CFAP47: variants seen among roughly 807,000 people sequenced by gnomAD.
CFAP47 encodes cilia and flagella associated protein 47.
In CFAP47, 29 loss-of-function variants were observed where a neutral mutation model predicts 148.1. The ratio of observed to expected loss-of-function variants is 0.20; its 90% CI spans 0.15 to 0.27. CFAP47 has a LOEUF of 0.27. Among genes scored for constraint, CFAP47 ranks in the 10% least tolerant of loss-of-function variants. The probability of loss-of-function intolerance (pLI) is 1.00; values close to 1 mark genes in which losing one functional copy is unlikely to be tolerated. For synonymous variants in CFAP47, 664 were observed against 577.3 expected, an observed-to-expected ratio of 1.15 and a Z score of -2.15; for missense variants, 1,872 against 1,697.5, an observed-to-expected ratio of 1.10 and a Z score of -1.81.
At chrX:36,128,742 T>A (rs994836390) in intron 33 of CFAP47, among the ~76,000 whole-genome samples, 105 of 110,198 alleles carry the variant, frequency 9.5e-4, no homozygotes, top group African/African-American at 3.4e-3. Flanking sequence ...TGAATAATAT[T>A]GAATATATAT....
intron 51 of CFAP47, among the ~76,000 whole-genome samples, chrX:36,296,052 G>A (rs1262430442): frequency 8.9e-6 from 1 of 111,745 alleles, no homozygotes; most frequent in Non-Finnish European, 1.9e-5. Flanking sequence ...TTGCTCTCTG[G>A]AAGGCTGCTC....
intron 7 of CFAP47, 77 bp downstream of exon 7, chrX:35,953,796 G>A: frequency 1.4e-6 from 1 of 703,512 alleles, no homozygotes; most frequent in Admixed American, 4.2e-5. Context: ...AATATCTGTA[G>A]AGACAATCTA....
chrX:36,005,005 A>G (rs1385484202), intron 21 of CFAP47, among the ~76,000 whole-genome samples: 1 of 110,479 alleles, frequency 9.1e-6, no homozygotes, highest in Non-Finnish European at 1.9e-5. Context: ...ATATGTGTTA[A>G]TGGTTTTTTT....
At chrX:35,983,185 C>T (rs1344333089) in intron 15 of CFAP47, among the ~76,000 whole-genome samples, 34 of 111,307 alleles carry the variant, frequency 3.1e-4, no homozygotes, top group Admixed American at 2.9e-3. Context: ...ACTGTATTTC[C>T]AGGTGTTTTA....
chrX:36,181,956 T>G (rs1278300862), intron 40 of CFAP47, among the ~76,000 whole-genome samples: 1 of 112,383 alleles, frequency 8.9e-6, no homozygotes, highest in Non-Finnish European at 1.9e-5. Context: ...GATAAAGTAG[T>G]CTTAATTTCA....
At chrX:36,039,280 G>A in intron 25 of CFAP47, 101 bp downstream of exon 25, 8 of 374,468 alleles carry the variant, frequency 2.1e-5, no homozygotes, top group South Asian at 2.7e-4. Flanking sequence ...TTCTATAGTT[G>A]GAAAGAACTA....
Position 36,361,493 on chromosome X carries a change from A to G in CFAP47, c.9015A>G (p.Lys3005=). The part of the protein sequence containing the change: ...FIFNLVFTPK[K]PLRSHITLKI... ...TCAATCTGGTATTCACACCAAAGAA[A>G]CCATTAAGGTAAATCTACTTTCCTC... is the stretch of plus-strand genomic sequence containing the variant. Residue 3005 remains lysine, a synonymous_variant, in exon 61 of 64, where the codon AAA becomes AAG. Coordinates refer to ENST00000378653, the MANE Select transcript of CFAP47 (RefSeq NM_001304548.2). 2 of 999,025 alleles carry G rather than the reference A, an allele frequency of 2.0e-6. No individual in the cohort carries two copies. The highest frequency in any genetic ancestry group is 2.7e-6 in the Non-Finnish European group (2 of 744,954). 82.3% of individuals were successfully genotyped at this position (999,025 alleles called of 1,213,427 possible). A position where few individuals can be genotyped will look rare whatever the true frequency, so the allele number is the denominator to read the frequency against.
chrX:35,979,288 CTGA>C (rs1936610837), intron 15 of CFAP47, among the ~76,000 whole-genome samples: 1 of 110,859 alleles, frequency 9.0e-6, no homozygotes, highest in African/African-American at 3.3e-5. Flanking sequence ...CAAGAGTGGA[CTGA>C]TATTTTCTAA....
In CFAP47 at chrX:36,138,014, C is replaced by A. The variant is rs1004778723; in HGVS notation, c.5377C>A (p.Leu1793Ile). 1 of 958,613 alleles carries A rather than the reference C, an allele frequency of 1.0e-6. No individual in the cohort carries two copies. Among genetic ancestry groups the A allele is most frequent in the Non-Finnish European group, 1.5e-6 (1 of 669,796 alleles). 79.0% of individuals were successfully genotyped at this position (958,613 alleles called of 1,213,427 possible). Residue 1793 changes from leucine (L) to isoleucine (I), a missense_variant, in exon 34 of 64, where the codon CTT becomes ATT. By Grantham distance (5) the Leu-to-Ile change is conservative. Transcript: ENST00000378653. ...VNFDKDLSDG[L>I]VFATQLGAYC... Reference sequence around the variant, plus strand: ...TTTTGACAAAGACCTTTCAGATGGTCTTGTTTTTGCAACACAGTTGGGAGC... The same window carrying A: ...TTTTGACAAAGACCTTTCAGATGGTATTGTTTTTGCAACACAGTTGGGAGC...
At chrX:36,119,961 A>G (rs2146811884) in intron 33 of CFAP47, among the ~76,000 whole-genome samples, 1 of 108,333 alleles carries the variant, frequency 9.2e-6, no homozygotes, top group Non-Finnish European at 1.9e-5. Flanking sequence ...TGGTCTGTCT[A>G]AAGGTTTGTC....
chrX:36,027,154 T>TTA (rs951445806), intron 22 of CFAP47, among the ~76,000 whole-genome samples: 2 of 102,722 alleles, frequency 1.9e-5, no homozygotes, highest in Non-Finnish European at 3.9e-5. Context: ...ATATATATGA[T>TTA]TATATATATG....
chrX:36,006,158 A>G (rs1936980235), intron 21 of CFAP47, among the ~76,000 whole-genome samples: 1 of 110,997 alleles, frequency 9.0e-6, no homozygotes, highest in East Asian at 2.8e-4. Flanking sequence ...TGTATTATAT[A>G]TAATATATTT....
rs781983479 is a variant in CFAP47 at position 36,379,959 on chromosome X, A to G, written c.9354+441A>G. Among the ~76,000 whole-genome samples, 13 of 111,334 alleles carry G rather than the reference A, an allele frequency of 1.2e-4. No individual in the cohort carries two copies. In the South Asian group the frequency reaches 4.9e-3, roughly 42 times the overall value. ...AACATAAAAAAAAGGAATAATATAT[A>G]ACATTTATTTTGAATTGAAAAAAAA... On this transcript the variant is annotated intron_variant, in intron 63 of 63. Transcript: ENST00000378653.
chrX:35,979,150 G>A (rs1411382269), intron 15 of CFAP47, among the ~76,000 whole-genome samples: 1 of 110,002 alleles, frequency 9.1e-6, no homozygotes, highest in African/African-American at 3.3e-5. Context: ...GGCTAATTTT[G>A]TATTTTTTAG....
rs1937258784 is a variant in CFAP47 at position 36,029,645 on chromosome X, A to G, written c.3557-1608A>G. 2.7e-5 allele frequency among the ~76,000 whole-genome samples: 3 copies of G among 110,567 alleles called. No individual in the cohort carries two copies. The South Asian group carries it at 1.1e-3, about 41-fold the overall frequency. ...CTTTAGTTCTACAAAGCATTCATAA[A>G]TTATTTCCTGAAAATTTTCAATCAT... is the stretch of plus-strand genomic sequence containing the variant. On this transcript the variant is annotated intron_variant, in intron 22 of 63. Coordinates refer to ENST00000378653, the MANE Select transcript of CFAP47 (RefSeq NM_001304548.2).
chrX:36,368,392 G>A (rs1340503438), intron 62 of CFAP47, among the ~76,000 whole-genome samples: 20 of 111,320 alleles, frequency 1.8e-4, no homozygotes, highest in African/African-American at 6.2e-4. Flanking sequence ...TTTGCAGGGC[G>A]AGTGGAGAGG....
At chrX:35,942,646 A>G (rs1936026962) in intron 3 of CFAP47, among the ~76,000 whole-genome samples, 1 of 111,774 alleles carries the variant, frequency 8.9e-6, no homozygotes, top group African/African-American at 3.2e-5. Flanking sequence ...TGTATATTCA[A>G]TAACCTTCAA....
intron 31 of CFAP47, 76 bp downstream of exon 31, chrX:36,098,950 A>G: frequency 2.1e-6 from 1 of 467,095 alleles, no homozygotes; most frequent in Non-Finnish European, 3.5e-6. Context: ...ATGTTAGAAT[A>G]TTCTACTTCA....
intron 52 of CFAP47, among the ~76,000 whole-genome samples, chrX:36,299,709 G>A (rs1390932192): frequency 9.0e-6 from 1 of 111,324 alleles, no homozygotes; most frequent in African/African-American, 3.3e-5. Flanking sequence ...TATACTTTCT[G>A]CTTCTGAGTT....
Sources: allele counts gnomAD v4.1 joint callset (sites outside exome capture counted in the v4.1 genomes callset), GRCh38; gene constraint gnomAD v4.1.1; transcripts MANE v1.5; gene names NCBI Gene and HGNC (gene_info 2026-07-23, HGNC 2026-07-21).